Variants in DCLK3 observed in about 807,000 individuals in gnomAD.
The protein encoded by DCLK3 is serine/threonine-protein kinase DCLK3.
DCLK3 carries 30 observed loss-of-function variants against 46.4 expected under a neutral mutation model. That is an observed-to-expected ratio of 0.65 (90% CI 0.48 to 0.88). DCLK3 has a LOEUF of 0.88. Among genes scored for constraint, DCLK3 ranks in the 40% least tolerant of loss-of-function variants. The pLI is 0.00. For synonymous variants in DCLK3, 401 were observed against 339.2 expected (o/e 1.18, Z -2.00); for missense variants, 846 against 907.1 (o/e 0.93, Z 0.87).
chr3:36,757,767 G>A (rs1396446062), intron 1 of DCLK3, among the ~76,000 whole-genome samples: 1 of 152,054 alleles, frequency 6.6e-6, no homozygotes, highest in Non-Finnish European at 1.5e-5. Flanking sequence ...TCTGACACCT[G>A]CGGTCCTCAT....
At chr3:36,716,086 G>C (rs901100599) in intron 4 of DCLK3, among the ~76,000 whole-genome samples, 1 of 152,160 alleles carries the variant, frequency 6.6e-6, no homozygotes, top group African/African-American at 2.4e-5. Context: ...AAAGTAAATA[G>C]TGCAAATTCA....
In DCLK3 at chr3:36,715,427, A is replaced by G. The variant is rs1473621782; in HGVS notation, c.2355T>C (p.Ala785=). The G allele has an allele frequency of 3.1e-6, 5 of 1,613,766 alleles. No individual in the cohort carries two copies. The East Asian group carries it at 6.7e-5, about 22-fold the overall frequency. The stretch of plus-strand genomic sequence containing the variant: ...GTCGTTTCACTGTATTGGTCTTGCC[A>G]GCTGTTTCGATCCAGGGGTGCTGAA... The part of the protein sequence containing the change: ...QVLQHPWIET[A]GKTNTVKRQK... The change falls in exon 5 of 5, where the codon GCT becomes GCC. Residue 785 remains alanine (A), a synonymous_variant. Coordinates refer to ENST00000636136, the MANE Select transcript of DCLK3 (RefSeq NM_001394672.2).
intron 2 of DCLK3, among the ~76,000 whole-genome samples, chr3:36,727,274 A>T (rs1701135258): frequency 6.6e-6 from 1 of 152,154 alleles, no homozygotes; most frequent in Non-Finnish European, 1.5e-5. Flanking sequence ...GGGTGAAAGG[A>T]TGAAGCTCCA....
At chr3:36,725,758 AG>A (rs1469277976) in intron 2 of DCLK3, among the ~76,000 whole-genome samples, 1 of 152,204 alleles carries the variant, frequency 6.6e-6, no homozygotes, top group Admixed American at 6.5e-5. Context: ...GACCTCCACC[AG>A]GTTTTAGAAA....
intron 2 of DCLK3, among the ~76,000 whole-genome samples, chr3:36,728,122 G>C (rs1020716913): frequency 6.2e-4 from 95 of 152,334 alleles, no homozygotes; most frequent in Non-Finnish European, 7.9e-4. Flanking sequence ...TTTATGGCAA[G>C]CTTAGCTTGT....
chr3:36,734,217 A>G (rs576155992), intron 2 of DCLK3, among the ~76,000 whole-genome samples: 52 of 152,346 alleles, frequency 3.4e-4, no homozygotes, highest in African/African-American at 1.2e-3. Flanking sequence ...TGCTAAACCC[A>G]GACAATGAGT....
chr3:36,746,699 G>A (rs1048387417), intron 1 of DCLK3, among the ~76,000 whole-genome samples: 1 of 152,246 alleles, frequency 6.6e-6, no homozygotes, highest in African/African-American at 2.4e-5. Context: ...AACAGACAAG[G>A]TCTGAGTTTT....
intron 2 of DCLK3, among the ~76,000 whole-genome samples, chr3:36,733,773 T>C (rs970604483): frequency 6.6e-6 from 1 of 152,180 alleles, no homozygotes; most frequent in African/African-American, 2.4e-5. Context: ...ATGTAATCAG[T>C]AGAAATAGAT....
chr3:36,751,063 T>TAAAAAAAAAAAAAAA lies in DCLK3; in HGVS notation c.83-11994_83-11980dup, dbSNP rs5847933. 2.1e-3 allele frequency among the ~76,000 whole-genome samples: 163 copies of TAAAAAAAAAAAAAAA among 76,452 alleles called. 39 individuals carry two copies. Among genetic ancestry groups the TAAAAAAAAAAAAAAA allele is most frequent in the South Asian group, 2.7e-3 (4 of 1,476 alleles). The allele number at this position is 76,452 out of a possible 152,430, so 50.2% of individuals were successfully genotyped here. On this transcript the variant is annotated intron_variant, in intron 1 of 4. Coordinates refer to ENST00000636136, the MANE Select transcript of DCLK3 (RefSeq NM_001394672.2). ...TGATATCCCTGTAGACGGGATGATC[T>TAAAAAAAAAAAAAAA]AAAAAAAAAAAAAAAAAAAAAAACT...
Position 36,754,782 on chromosome 3 carries a change from C to A in DCLK3, c.82+9400G>T, listed in dbSNP as rs558871455. Reference sequence around the variant, plus strand: ...ATCTTTTCTCTCCATCTTTCCCTGTCTCCATGAACTTATTTCAATTCTAGG... The same window carrying A: ...ATCTTTTCTCTCCATCTTTCCCTGTATCCATGAACTTATTTCAATTCTAGG... On this transcript the variant is annotated intron_variant, in intron 1 of 4. Coordinates refer to ENST00000636136, the MANE Select transcript of DCLK3 (RefSeq NM_001394672.2). Among the ~76,000 whole-genome samples, 7 of 152,284 alleles carry A rather than the reference C, an allele frequency of 4.6e-5. No homozygotes were observed. In the South Asian group the frequency reaches 1.5e-3, roughly 32 times the overall value.
rs904496951 is a variant in DCLK3 at position 36,724,678 on chromosome 3, C to T, written c.1960-3019G>A. Among the ~76,000 whole-genome samples, 5 of 152,238 alleles carry T rather than the reference C, an allele frequency of 3.3e-5. No homozygotes were observed. In the East Asian group the frequency reaches 9.6e-4, roughly 29 times the overall value. Reference sequence around the variant, plus strand: ...TGCCATCCATGTAAGATATGACTTGCTCCTCCTTGCCTTCCACCATGATTG... The same window carrying T: ...TGCCATCCATGTAAGATATGACTTGTTCCTCCTTGCCTTCCACCATGATTG... On this transcript the variant is annotated intron_variant, in intron 2 of 4. Transcript: ENST00000636136.
At chr3:36,725,419 C>T (rs771736615) in intron 2 of DCLK3, among the ~76,000 whole-genome samples, 1 of 152,074 alleles carries the variant, frequency 6.6e-6, no homozygotes, top group South Asian at 2.1e-4. Flanking sequence ...GAGTTCAAGA[C>T]CAGCCTGGGC....
intron 1 of DCLK3, among the ~76,000 whole-genome samples, chr3:36,748,229 C>T (rs1053306031): frequency 1.3e-5 from 2 of 152,206 alleles, no homozygotes; most frequent in South Asian, 4.1e-4. Flanking sequence ...GCATTTGCAG[C>T]TCCCAAGGAG....
intron 2 of DCLK3, among the ~76,000 whole-genome samples, chr3:36,725,909 G>A (rs1701119847): frequency 6.6e-6 from 1 of 152,124 alleles, no homozygotes; most frequent in Admixed American, 6.6e-5. Flanking sequence ...ACAAGTCCAA[G>A]TGACTGGCTT....
intron 2 of DCLK3, among the ~76,000 whole-genome samples, chr3:36,735,584 T>C (rs1449940600): frequency 6.6e-6 from 1 of 152,178 alleles, no homozygotes; most frequent in Non-Finnish European, 1.5e-5. Context: ...AGGCTGAGTT[T>C]ACAGCCATGG....
intron 1 of DCLK3, among the ~76,000 whole-genome samples, chr3:36,747,648 A>C (rs1701404500): frequency 6.6e-6 from 1 of 152,158 alleles, no homozygotes; most frequent in African/African-American, 2.4e-5. Flanking sequence ...CAACTTCACA[A>C]AGGGAAATTT....
chr3:36,718,274 T>A, intron 3 of DCLK3, 97 bp from the exon 4 acceptor site: 1 of 1,544,138 alleles, frequency 6.5e-7, no homozygotes, highest in Non-Finnish European at 8.8e-7. Context: ...TAAATAGATC[T>A]AAGTCATAGA....
chr3:36,761,037 C>T (rs1410955430), intron 1 of DCLK3, among the ~76,000 whole-genome samples: 1 of 152,144 alleles, frequency 6.6e-6, no homozygotes, highest in Admixed American at 6.5e-5. Flanking sequence ...TACATGACAC[C>T]CTGCCCTTTG....
At chr3:36,763,975 C>T (rs1455811821) in intron 1 of DCLK3, among the ~76,000 whole-genome samples, 4 of 152,176 alleles carry the variant, frequency 2.6e-5, no homozygotes, top group Non-Finnish European at 5.9e-5. Context: ...GGTGTACACC[C>T]GCACGCGCGC....
Sources: gnomAD v4.1 joint callset for allele counts (sites outside exome capture counted in the v4.1 genomes callset) on GRCh38, gnomAD v4.1.1 for gene constraint, MANE v1.5 for transcripts, NCBI Gene and HGNC (gene_info 2026-07-23, HGNC 2026-07-21) for gene names.